Variants in C9orf50 observed in about 807,000 individuals in gnomAD.
C9orf50 encodes chromosome 9 open reading frame 50, also known as uncharacterized protein C9orf50.
C9orf50 carries 33 observed loss-of-function variants against 42.5 expected under a neutral mutation model. The ratio of observed to expected loss-of-function variants is 0.78; its 90% CI spans 0.59 to 1.04. The LOEUF is 1.04. C9orf50 is among the 50% of genes least tolerant of loss of function. The pLI, the probability that C9orf50 is intolerant of heterozygous loss-of-function variation, is 0.00. For missense variants in C9orf50, 547 were observed against 594.3 expected, an observed-to-expected ratio of 0.92 and a Z score of 0.83; for synonymous variants, 257 against 273.4, an observed-to-expected ratio of 0.94 and a Z score of 0.59.
Position 129,620,576 on chromosome 9 carries a change from C to T in C9orf50, c.-2G>A. ...TGGGCGAAGTCGACGCCAGAACATG[C>T]TTGGCCCCGCACTCAGCTCACCGCA... On this transcript the variant is annotated 5_prime_UTR_variant, in exon 1 of 7. Transcript: ENST00000372478. This position sits in a 1 kb window ranked among gnomAD's most constrained non-coding sequence, Gnocchi z 5.8. The T allele has an allele frequency of 1.5e-6, 2 of 1,358,760 alleles. No homozygotes were observed. The highest frequency in any genetic ancestry group is 1.9e-5 in the South Asian group (1 of 53,464). The allele number at this position is 1,358,760 out of a possible 1,614,324, so 84.2% of individuals were successfully genotyped here.
At position 129,616,221 on chromosome 9, in the gene C9orf50, T is replaced by C. The variant is rs1830369600; in HGVS notation, c.717-574A>G. On this transcript the variant is annotated intron_variant, in intron 3 of 6. Transcript: ENST00000372478. ...ACTAACAGGGAGCTGTTTTTTGTTT[T>C]TGTTTTGTTTTTGAGACAGATTCTC... Among the ~76,000 whole-genome samples, 2 of 152,162 alleles carry C rather than the reference T, an allele frequency of 1.3e-5. 1 individual carries two copies. The highest frequency in any genetic ancestry group is 4.2e-4 in the South Asian group (2 of 4,812).
rs1322942654 is a variant in C9orf50 at position 129,613,508 on chromosome 9, A to G, written c.970T>C (p.Leu324=). The change falls in exon 5 of 7, where the codon TTG becomes CTG. Residue 324 remains leucine, a synonymous_variant. Coordinates refer to ENST00000372478, the Ensembl canonical transcript of C9orf50. This position sits in a 1 kb window ranked among gnomAD's most constrained non-coding sequence, Gnocchi z 6.2. ...GCCCCAGGGTACAGGGCTTTGGGCA[A>G]ACTCTCCAGCCGTTTTCCGACACTC... 1.8e-5 allele frequency: 29 copies of G among 1,614,022 alleles called. No individual in the cohort carries two copies. Among genetic ancestry groups the G allele is most frequent in the Non-Finnish European group, 2.5e-5 (29 of 1,180,036 alleles).
intron 6 of C9orf50, 147 bp downstream of exon 6, chr9:129,612,960 G>T: frequency 1.0e-6 from 1 of 966,610 alleles, no homozygotes; most frequent in Non-Finnish European, 1.5e-6. Flanking sequence ...CACAGGGCGT[G>T]GCCACTGCAA....
chr9:129,615,033 C>T lies in C9orf50; in HGVS notation c.880+451G>A, dbSNP rs968148627. 5.3e-5 allele frequency among the ~76,000 whole-genome samples: 8 copies of T among 152,234 alleles called. No homozygotes were observed. The East Asian group carries it at 5.8e-4, about 11-fold the overall frequency. ...CTGTCTCCAGGAGAGAGAAAGTTTC[C>T]GCTTCGCGGCTTTTCTGGGCACCTC... On this transcript the variant is annotated intron_variant, in intron 4 of 6. Transcript: ENST00000372478.
rs751387007 is a variant in C9orf50 at position 129,619,539 on chromosome 9, T to C, written c.697A>G (p.Thr233Ala). 3 of 1,613,824 alleles carry C rather than the reference T, an allele frequency of 1.9e-6. No individual in the cohort carries two copies. The South Asian group carries it at 3.3e-5, about 18-fold the overall frequency. ...ACTCACTGGTTGGCCTTTCTGACAGTGGTGAATTGTGAGTGATCACCCTTC... is the reference window on the plus strand; with the variant it reads ...ACTCACTGGTTGGCCTTTCTGACAGCGGTGAATTGTGAGTGATCACCCTTC... The change falls in exon 3 of 7, where the codon ACT (threonine) becomes GCT (alanine). Residue 233 changes from threonine to alanine, a missense_variant. Physicochemically the swap from Thr to Ala is moderately conservative, Grantham distance 58. This residue lies in a region of C9orf50 where 334 missense variants were observed against 323.7 expected (regional missense o/e 1.03). Coordinates refer to ENST00000372478, the Ensembl canonical transcript of C9orf50.
At position 129,615,956 on chromosome 9, in the gene C9orf50, G is replaced by A. The variant is rs117256545; in HGVS notation, c.717-309C>T. On this transcript the variant is annotated intron_variant, in intron 3 of 6. Coordinates refer to ENST00000372478, the Ensembl canonical transcript of C9orf50. ...AGGCGATGCAGCTGTCAGGCATGGAGCCAAGACCTGCATCCTGGTTCCAGA... is the reference window on the plus strand; with the variant it reads ...AGGCGATGCAGCTGTCAGGCATGGAACCAAGACCTGCATCCTGGTTCCAGA... Among the ~76,000 whole-genome samples, 447 of 152,326 alleles carry A rather than the reference G, an allele frequency of 2.9e-3. 15 individuals are homozygous for A. In the East Asian group the frequency reaches 0.065, roughly 22 times the overall value.
rs1175217518 is a variant in C9orf50 at position 129,620,203 on chromosome 9, G to A, written c.372C>T (p.Arg124=). The A allele has an allele frequency of 6.9e-6, 10 of 1,447,152 alleles. No homozygotes were observed. The East Asian group carries it at 2.4e-4, about 34-fold the overall frequency. The allele number at this position is 1,447,152 out of a possible 1,614,324, so 89.6% of individuals were successfully genotyped here. A position where few individuals can be genotyped will look rare whatever the true frequency, so the allele number is the denominator to read the frequency against. ...TGGCCACGCGCCTCCGGGGGCGCTCGCGCTCTCCAGGCCCTGGCTGCCTGG... is the reference window on the plus strand; with the variant it reads ...TGGCCACGCGCCTCCGGGGGCGCTCACGCTCTCCAGGCCCTGGCTGCCTGG... The change falls in exon 1 of 7, where the codon CGC becomes CGT. Residue 124 remains arginine, a synonymous_variant. Transcript: ENST00000372478. This position sits in a 1 kb window ranked among gnomAD's most constrained non-coding sequence, Gnocchi z 5.8.
chr9:129,620,367 C>G lies in C9orf50; in HGVS notation c.208G>C (p.Gly70Arg), dbSNP rs1403132731. The G allele has an allele frequency of 8.1e-7, 1 of 1,227,904 alleles. No individual in the cohort carries two copies. The highest frequency in any genetic ancestry group is 1.0e-6 in the Non-Finnish European group (1 of 985,950). 76.1% of individuals were successfully genotyped at this position (1,227,904 alleles called of 1,614,324 possible). The change falls in exon 1 of 7, where the codon GGG becomes CGG. Residue 70 changes from glycine (G) to arginine (R), a missense_variant. Gly to Arg is a moderately radical substitution (Grantham distance 125). This residue lies in a region of C9orf50 where 108 missense variants were observed against 172.1 expected (regional missense o/e 0.63). Coordinates refer to ENST00000372478, the Ensembl canonical transcript of C9orf50. This position sits in a 1 kb window ranked among gnomAD's most constrained non-coding sequence, Gnocchi z 5.8. ...GGCGGGAGGCGTCCGACGCCCACCC[C>G]GGGCTTGGCGTCCCCTTCCGGCCAC...
At chr9:129,612,228 T>C in exon 7 of C9orf50, 1 of 772,026 alleles carries the variant, frequency 1.3e-6, no homozygotes, top group Non-Finnish European at 2.1e-6. Context: ...GAAAGGCTTG[T>C]GGTGTGACAC....
rs767746620 is a variant in C9orf50 at position 129,620,679 on chromosome 9, CG to C, written c.-106del. 3.8e-4 allele frequency: 406 copies of C among 1,075,444 alleles called. No individual in the cohort carries two copies. The highest frequency in any genetic ancestry group is 4.8e-4 in the Non-Finnish European group (402 of 845,550). 66.6% of individuals were successfully genotyped at this position (1,075,444 alleles called of 1,614,324 possible). A position where few individuals can be genotyped will look rare whatever the true frequency, so the allele number is the denominator to read the frequency against. ...CAGCCCCAGGCCATAGTGCCCCGGG[CG>C]GGGCAGCGCGGTGCGGGGTGAACGC... On this transcript the variant is annotated 5_prime_UTR_variant, in exon 1 of 7. Transcript: ENST00000372478. This position sits in a 1 kb window ranked among gnomAD's most constrained non-coding sequence, Gnocchi z 5.8.
In C9orf50 at chr9:129,620,633, T is replaced by A; in HGVS notation, c.-59A>T. On this transcript the variant is annotated 5_prime_UTR_variant, in exon 1 of 7. Coordinates refer to ENST00000372478, the Ensembl canonical transcript of C9orf50. This position sits in a 1 kb window ranked among gnomAD's most constrained non-coding sequence, Gnocchi z 5.8. ...GCGCGCGTGGGTGGGGGGCGCCGGC[T>A]GAGGTGGGGAGGGCATAGTCCAGCC... is the stretch of plus-strand genomic sequence containing the variant. 1 of 1,274,722 alleles carries A rather than the reference T, an allele frequency of 7.8e-7. No homozygotes were observed. The highest frequency in any genetic ancestry group is 9.9e-7 in the Non-Finnish European group (1 of 1,009,496). The allele number at this position is 1,274,722 out of a possible 1,614,324, so 79.0% of individuals were successfully genotyped here.
intron 3 of C9orf50, among the ~76,000 whole-genome samples, chr9:129,615,994 G>A (rs139691427): frequency 2.2e-4 from 34 of 152,274 alleles, no homozygotes; most frequent in African/African-American, 7.2e-4. Flanking sequence ...TGGCGCCCTC[G>A]CACGTAAAGC....
intron 2 of C9orf50, 30 bp from the exon 3 acceptor site, chr9:129,619,666 G>T (rs755530091): frequency 1.2e-6 from 2 of 1,609,890 alleles, no homozygotes; most frequent in East Asian, 2.2e-5. Context: ...CATCTGGCAT[G>T]AGTGGCCAGG....
chr9:129,614,440 C>T lies in C9orf50; in HGVS notation c.881-843G>A, dbSNP rs1830249230. On this transcript the variant is annotated intron_variant, in intron 4 of 6. Transcript: ENST00000372478. The surrounding 1 kb of genome is among the most constrained non-coding windows in gnomAD (Gnocchi z 4.4). ...GAGGCAGACATTTCCTGAAACTGCA[C>T]ATAGTGGGTGCTCAATAAACAGCTA... is the stretch of plus-strand genomic sequence containing the variant. Among the ~76,000 whole-genome samples the T allele has an allele frequency of 6.6e-6, 1 of 152,200 alleles. No individual in the cohort carries two copies. Among genetic ancestry groups the T allele is most frequent in the Non-Finnish European group, 1.5e-5 (1 of 68,042 alleles).
rs935789738 is a variant in C9orf50 at position 129,614,199 on chromosome 9, G to GC, written c.881-603dup. Among the ~76,000 whole-genome samples the GC allele has an allele frequency of 8.5e-5, 13 of 152,176 alleles. No individual in the cohort carries two copies. The highest frequency in any genetic ancestry group is 8.8e-5 in the Non-Finnish European group (6 of 68,032). On this transcript the variant is annotated intron_variant, in intron 4 of 6. Coordinates refer to ENST00000372478, the Ensembl canonical transcript of C9orf50. The surrounding 1 kb of genome is among the most constrained non-coding windows in gnomAD (Gnocchi z 4.4). ...TCCTGGCCTTGGATTCCCAAGAGGG[G>GC]CCCGGGGTCACTCTGGCTTCTATAT... is the stretch of plus-strand genomic sequence containing the variant.
At chr9:129,617,501 A>G (rs1485812193) in intron 3 of C9orf50, among the ~76,000 whole-genome samples, 1 of 152,232 alleles carries the variant, frequency 6.6e-6, no homozygotes, top group Non-Finnish European at 1.5e-5. Context: ...CACACACAGT[A>G]AGGTGCTCAA....
intron 4 of C9orf50, 71 bp downstream of exon 4, chr9:129,615,413 G>A: frequency 6.8e-7 from 1 of 1,461,184 alleles, no homozygotes; most frequent in South Asian, 1.4e-5. Flanking sequence ...TAGGGGCCCG[G>A]AGCTACAGCC....
intron 3 of C9orf50, 121 bp from the exon 4 acceptor site, chr9:129,615,768 A>G (rs945503760): frequency 9.0e-7 from 1 of 1,111,352 alleles, no homozygotes; most frequent in African/African-American, 1.6e-5. Flanking sequence ...TGAAGAATGG[A>G]TAACGCCAAT....
chr9:129,620,169 G>C lies in C9orf50; in HGVS notation c.406C>G (p.Pro136Ala), dbSNP rs1564339122. 1 of 1,460,828 alleles carries C rather than the reference G, an allele frequency of 6.8e-7. No homozygotes were observed. Among genetic ancestry groups the C allele is most frequent in the African/African-American group, 1.4e-5 (1 of 69,806 alleles). 90.5% of individuals were successfully genotyped at this position (1,460,828 alleles called of 1,614,324 possible). A position where few individuals can be genotyped will look rare whatever the true frequency, so the allele number is the denominator to read the frequency against. Residue 136 changes from proline to alanine, a missense_variant, in exon 1 of 7, where the codon CCC (proline) becomes GCC (alanine). Around this residue, in one of 3 missense-constraint regions of C9orf50, gnomAD observed 108 missense variants for 172.1 expected, o/e 0.63. Coordinates refer to ENST00000372478, the Ensembl canonical transcript of C9orf50. The surrounding 1 kb of genome is among the most constrained non-coding windows in gnomAD (Gnocchi z 5.8). ...CCTAGGAAGGCGCCCAAGAAGTCGG[G>C]GTCCTCCCTGGCCACGCGCCTCCGG...
Sources: allele counts gnomAD v4.1 joint callset (sites outside exome capture counted in the v4.1 genomes callset), GRCh38; gene constraint gnomAD v4.1.1; regional missense constraint gnomAD v4.1.1; non-coding constraint Gnocchi (gnomAD v3.1); transcripts MANE v1.5; gene names NCBI Gene and HGNC (gene_info 2026-07-23, HGNC 2026-07-21).